The following PLCG2 variants were observed in gnomAD, a reference collection of about 807,000 sequenced individuals.
PLCG2 encodes phospholipase C gamma 2.
A neutral mutation model predicts 175.6 loss-of-function variants in PLCG2; 69 were observed. The observed-to-expected ratio is 0.39, with a 90% CI of 0.32 to 0.48. The LOEUF (loss-of-function observed/expected upper bound fraction) is 0.48. PLCG2 is among the 20% of genes least tolerant of loss of function. The pLI, the probability that PLCG2 is intolerant of heterozygous loss-of-function variation, is 0.91. For missense variants in PLCG2, 1,798 were observed against 1,650.9 expected (o/e 1.09, Z -1.54); for synonymous variants, 827 against 624.0 (o/e 1.33, Z -4.85).
At chr16:81,954,234 G>T (rs1250497986) in intron 31 of PLCG2, among the ~76,000 whole-genome samples, 1 of 152,086 alleles carries the variant, frequency 6.6e-6, no homozygotes, top group East Asian at 1.9e-4. Flanking sequence ...TGTTGCCCAG[G>T]CTGGTCTTGA....
At chr16:81,773,028 C>G (rs762160053) in intron 2 of PLCG2, among the ~76,000 whole-genome samples, 3 of 152,198 alleles carry the variant, frequency 2.0e-5, no homozygotes, top group African/African-American at 7.2e-5. Context: ...GGCATCCTCT[C>G]ATGATGTGGG....
intron 1 of PLCG2, among the ~76,000 whole-genome samples, chr16:81,746,185 G>C (rs115272877): frequency 6.6e-6 from 1 of 152,178 alleles, no homozygotes; most frequent in African/African-American, 2.4e-5. Context: ...AAACAAGGCC[G>C]GCCTGCTGGA....
intron 1 of PLCG2, among the ~76,000 whole-genome samples, chr16:81,745,724 T>A (rs1909691412): frequency 6.6e-6 from 1 of 152,226 alleles, no homozygotes; most frequent in Non-Finnish European, 1.5e-5. Flanking sequence ...CCTGTAAATC[T>A]CAGGTTCTGA....
chr16:81,908,621 C>T (rs1909482473), intron 17 of PLCG2, 30 bp downstream of exon 17: 2 of 1,574,928 alleles, frequency 1.3e-6, no homozygotes, highest in Non-Finnish European at 1.7e-6. Context: ...GAACGCCTAC[C>T]TTCTTCTCCA....
intron 2 of PLCG2, among the ~76,000 whole-genome samples, chr16:81,803,598 CCTTTT>C (rs760727597): frequency 2.5e-4 from 15 of 60,112 alleles, no homozygotes; most frequent in African/African-American, 6.4e-4. Flanking sequence ...TTTCTTTTCT[CCTTTT>C]CTTTTCTTTT....
rs558209120 is a variant in PLCG2, at chr16:81,779,313, G to A, written c.-159G>A. 31 of 150,764 alleles carry A rather than the reference G, an allele frequency of 2.1e-4. No homozygotes were observed. The highest frequency in any genetic ancestry group is 2.0e-3 in the East Asian group (10 of 5,118). 9.3% of individuals were successfully genotyped at this position (150,764 alleles called of 1,614,324 possible). ...AGCAGAAGTAGCGAGCGCCGGCGGC[G>A]GAGGGCGTGAGCGGCGCTGAGTGAC... On this transcript the variant is annotated 5_prime_UTR_variant, in exon 1 of 33. Transcript: ENST00000564138.
Position 81,938,846 on chromosome 16 carries a change from T to G in PLCG2, c.3244T>G (p.Cys1082Gly). The G allele has an allele frequency of 1.2e-6, 2 of 1,613,800 alleles. No individual in the cohort carries two copies. The highest frequency in any genetic ancestry group is 1.7e-6 in the Non-Finnish European group (2 of 1,179,840). The change falls in exon 29 of 33, where the codon TGT (cysteine) becomes GGT (glycine). Residue 1082 changes from cysteine to glycine, a missense_variant. Cys to Gly is a radical substitution (Grantham distance 159). Coordinates refer to ENST00000564138, the MANE Select transcript of PLCG2 (RefSeq NM_002661.5). ...CCCCAAACTTGGACGAAGTATTGCCTGTCCCTTTGTAGAAGTGGAGATCTG... is the reference window on the plus strand; with the variant it reads ...CCCCAAACTTGGACGAAGTATTGCCGGTCCCTTTGTAGAAGTGGAGATCTG... The part of the protein sequence containing the change: ...HLPKLGRSIA[C>G]PFVEVEICGA...
intron 31 of PLCG2, among the ~76,000 whole-genome samples, chr16:81,951,519 C>T (rs562928635): frequency 6.6e-6 from 1 of 152,224 alleles, no homozygotes; most frequent in East Asian, 1.9e-4. Flanking sequence ...AACGTAATTC[C>T]AATTTCACTC....
intron 2 of PLCG2, among the ~76,000 whole-genome samples, chr16:81,853,983 G>C (rs1597355938): frequency 6.6e-6 from 1 of 152,082 alleles, no homozygotes; most frequent in South Asian, 2.1e-4. Flanking sequence ...GAGCCACAGA[G>C]CATTTGTAGC....
intron 13 of PLCG2, 75 bp from the exon 14 acceptor site, chr16:81,900,537 C>A: frequency 7.1e-7 from 1 of 1,399,266 alleles, no homozygotes; most frequent in Non-Finnish European, 9.7e-7. Context: ...CAGGGAGCTG[C>A]CCTGGCCCCT....
chr16:81,852,392 G>C (rs1472591170), intron 2 of PLCG2, among the ~76,000 whole-genome samples: 1 of 152,062 alleles, frequency 6.6e-6, no homozygotes, highest in African/African-American at 2.4e-5. Context: ...GGGTGAATCA[G>C]CTCTATCTAA....
chr16:81,809,475 C>T lies in PLCG2; in HGVS notation c.193+23293C>T, dbSNP rs868706005. ...TTGATGACACAGCCTTTATTTGCTG[C>T]GCTTCCTTCCCTGTCCACCACCCCA... On this transcript the variant is annotated intron_variant, in intron 2 of 32. Transcript: ENST00000564138. Among the ~76,000 whole-genome samples the T allele has an allele frequency of 4.6e-5, 7 of 152,180 alleles. No homozygotes were observed. In the South Asian group the frequency reaches 6.2e-4, roughly 14 times the overall value.
At chr16:81,940,160 G>C (rs1910880702) in intron 30 of PLCG2, 101 bp downstream of exon 30, 2 of 1,087,756 alleles carry the variant, frequency 1.8e-6, no homozygotes, top group African/African-American at 1.6e-5. Context: ...TCCTGGTTTG[G>C]ATGGAATCAC....
At chr16:81,826,253 G>A (rs1489074521) in intron 2 of PLCG2, among the ~76,000 whole-genome samples, 1 of 152,206 alleles carries the variant, frequency 6.6e-6, no homozygotes, top group African/African-American at 2.4e-5. Flanking sequence ...GTTCATCACT[G>A]TTTGGAGATG....
At chr16:81,907,036 CAAAAAA>C (rs56697259) in intron 15 of PLCG2, among the ~76,000 whole-genome samples, 12 of 96,736 alleles carry the variant, frequency 1.2e-4, no homozygotes, top group African/African-American at 4.1e-4. Flanking sequence ...GACTCTGTCT[CAAAAAA>C]AAAAAAAAAA....
At chr16:81,788,288 A>G (rs967493205) in intron 2 of PLCG2, among the ~76,000 whole-genome samples, 4 of 152,132 alleles carry the variant, frequency 2.6e-5, no homozygotes, top group Admixed American at 1.3e-4. Flanking sequence ...TATGGCATAT[A>G]TATATTTTAA....
In PLCG2 at chr16:81,958,699, G is replaced by A. The variant is rs1023429131; in HGVS notation, c.*701G>A. 4.5e-6 allele frequency: 1 copy of A among 221,432 alleles called. No individual in the cohort carries two copies. Among genetic ancestry groups the A allele is most frequent in the African/African-American group, 2.2e-5 (1 of 44,668 alleles). 13.7% of individuals were successfully genotyped at this position (221,432 alleles called of 1,614,324 possible). ...TAAAAAGCCCATCAGAGAGACCAGA[G>A]CCGTGCTGCAGGGGCAGGTTCTCAC... On this transcript the variant is annotated 3_prime_UTR_variant, in exon 33 of 33. Transcript: ENST00000564138.
intron 9 of PLCG2, among the ~76,000 whole-genome samples, chr16:81,887,417 C>G (rs1481784986): frequency 6.6e-6 from 1 of 152,190 alleles, no homozygotes; most frequent in Non-Finnish European, 1.5e-5. Context: ...CCACGCCCGG[C>G]CTAGTATTTT....
intron 2 of PLCG2, among the ~76,000 whole-genome samples, chr16:81,768,668 C>G (rs1316941491): frequency 6.7e-6 from 1 of 149,294 alleles, no homozygotes; most frequent in Admixed American, 6.8e-5. Flanking sequence ...CGGGTTCAAG[C>G]GACCCTCCTG....
Sources: allele counts gnomAD v4.1 joint callset (sites outside exome capture counted in the v4.1 genomes callset), GRCh38; gene constraint gnomAD v4.1.1; transcripts MANE v1.5; gene names NCBI Gene and HGNC (gene_info 2026-07-23, HGNC 2026-07-21).